The following PID1 variants were observed in gnomAD, a reference collection of about 807,000 sequenced individuals.
PID1 encodes the protein phosphotyrosine interaction domain containing 1.
Under a neutral mutation model 19.1 loss-of-function variants are expected in PID1, and 10 were observed. The ratio of observed to expected loss-of-function variants is 0.52; its 90% CI spans 0.32 to 0.89. The LOEUF (loss-of-function observed/expected upper bound fraction) is 0.89. PID1 is among the 40% of genes least tolerant of loss of function. The pLI, the probability that PID1 is intolerant of heterozygous loss-of-function variation, is 0.03. For missense variants in PID1, 248 were observed against 285.3 expected (o/e 0.87, Z 0.94); for synonymous variants, 130 against 116.0 (o/e 1.12, Z -0.78).
At chr2:229,031,846 C>T (rs901433037) in intron 2 of PID1, among the ~76,000 whole-genome samples, 2 of 152,208 alleles carry the variant, frequency 1.3e-5, no homozygotes, top group Admixed American at 6.5e-5. Context: ...TTACTTACTG[C>T]CTGTCCACAT....
intron 2 of PID1, among the ~76,000 whole-genome samples, chr2:229,066,090 A>G (rs1694320263): frequency 6.6e-6 from 1 of 152,218 alleles, no homozygotes; most frequent in African/African-American, 2.4e-5. Context: ...CCACACACAA[A>G]AAAAGGAAAA....
chr2:229,093,758 GA>G (rs57891201), intron 2 of PID1, among the ~76,000 whole-genome samples: 10,940 of 90,152 alleles, frequency 0.12, 641 homozygotes, highest in Admixed American at 0.29. Context: ...ATGGCTTTAT[GA>G]TAAAAAAAAG....
chr2:229,090,284 C>G (rs1574620284), intron 2 of PID1, among the ~76,000 whole-genome samples: 1 of 152,158 alleles, frequency 6.6e-6, no homozygotes, highest in African/African-American at 2.4e-5. Context: ...TAAAGCAAAG[C>G]AGGAATCTAC....
chr2:229,155,801 G>A lies in PID1; in HGVS notation c.177+17C>T. ...CTATCTCACCAAGAGAACCCCTGCT[G>A]GCCACGTGCCCCATACCTTGCAGCC... On this transcript the variant is annotated intron_variant, in intron 2 of 2. Transcript: ENST00000392055. 6.3e-7 allele frequency: 1 copy of A among 1,595,012 alleles called. No individual in the cohort carries two copies. The highest frequency in any genetic ancestry group is 2.3e-5 in the East Asian group (1 of 44,428).
intron 1 of PID1, among the ~76,000 whole-genome samples, chr2:229,266,238 G>A (rs1690588872): frequency 6.6e-6 from 1 of 151,204 alleles, no homozygotes; most frequent in Non-Finnish European, 1.5e-5. Context: ...CAACCGCTCT[G>A]AAAATCTCCA....
At chr2:229,253,840 T>C (rs1280223936) in intron 1 of PID1, among the ~76,000 whole-genome samples, 1 of 152,172 alleles carries the variant, frequency 6.6e-6, no homozygotes, top group African/African-American at 2.4e-5. Context: ...CTGTATATCA[T>C]TCAGTTCTAT....
intron 1 of PID1, among the ~76,000 whole-genome samples, chr2:229,249,703 T>G (rs1432932616): frequency 6.6e-6 from 1 of 152,148 alleles, no homozygotes; most frequent in Admixed American, 6.5e-5. Context: ...TCATTGCAAC[T>G]GGATACCAGG....
At chr2:229,253,591 CAA>C (rs59530496) in intron 1 of PID1, among the ~76,000 whole-genome samples, 3,230 of 128,460 alleles carry the variant, frequency 0.025, 67 homozygotes, top group Admixed American at 0.072. Context: ...AAATTCCAAG[CAA>C]AAAAAAAAAA....
At chr2:229,111,054 C>T (rs1319329227) in intron 2 of PID1, among the ~76,000 whole-genome samples, 1 of 152,108 alleles carries the variant, frequency 6.6e-6, no homozygotes, top group Admixed American at 6.5e-5. Flanking sequence ...AAGGGGTTTC[C>T]CCTTTCACTT....
chr2:229,157,218 T>C (rs560762121), intron 1 of PID1, among the ~76,000 whole-genome samples: 1 of 152,154 alleles, frequency 6.6e-6, no homozygotes, highest in East Asian at 1.9e-4. Context: ...TCACGTGAGG[T>C]CACAAGTTCG....
rs560455242 is a variant in PID1 at position 229,260,483 on chromosome 2, T to C, written c.30+10531A>G. ...AGTTGCATATATATATATATATGTA[T>C]ATATGTATATATATGTGCATGTGTG... is the stretch of plus-strand genomic sequence containing the variant. On this transcript the variant is annotated intron_variant, in intron 1 of 2. Transcript: ENST00000392055. 1.4e-3 allele frequency among the ~76,000 whole-genome samples: 208 copies of C among 150,886 alleles called. 1 individual carries two copies. The highest frequency in any genetic ancestry group is 5.4e-3 in the South Asian group (26 of 4,796).
rs756265470 is a variant in PID1, at chr2:229,155,824, G to A, written c.171C>T (p.Gly57=). The A allele has an allele frequency of 1.2e-6, 2 of 1,611,086 alleles. No individual in the cohort carries two copies. Among genetic ancestry groups the A allele is most frequent in the African/African-American group, 2.7e-5 (2 of 74,834 alleles). ...CTGGCCACGTGCCCCATACCTTGCA[G>A]CCACTGTGAGTCCTTGTCTTCATCA... ...TPLMKTRTHS[G]CKVTYLGKVS... Residue 57 remains glycine, a synonymous_variant, in exon 2 of 3, where the codon GGC becomes GGT. Transcript: ENST00000392055.
chr2:229,236,556 TAA>T (rs1346487260), intron 1 of PID1: 1 of 152,120 alleles, frequency 6.6e-6, no homozygotes, highest in East Asian at 1.9e-4. Context: ...AACAACTGAA[TAA>T]ACCCTGGTTA....
At chr2:229,189,497 C>A (rs555921902) in intron 1 of PID1, among the ~76,000 whole-genome samples, 1 of 152,198 alleles carries the variant, frequency 6.6e-6, no homozygotes, top group Non-Finnish European at 1.5e-5. Context: ...GAGTTCAAGA[C>A]CAGCCTGGCC....
chr2:229,078,405 T>G (rs1465319408), intron 2 of PID1, among the ~76,000 whole-genome samples: 1 of 152,222 alleles, frequency 6.6e-6, no homozygotes, highest in Non-Finnish European at 1.5e-5. Context: ...TCTTACCTGA[T>G]TGCCCTGGTC....
intron 2 of PID1, among the ~76,000 whole-genome samples, chr2:229,098,935 T>G (rs907295096): frequency 1.3e-5 from 2 of 152,216 alleles, no homozygotes; most frequent in Non-Finnish European, 2.9e-5. Context: ...TTGGCTTTCT[T>G]CTCTACCACG....
chr2:229,216,715 C>T (rs959346357), intron 1 of PID1, among the ~76,000 whole-genome samples: 1 of 151,916 alleles, frequency 6.6e-6, no homozygotes, highest in African/African-American at 2.4e-5. Context: ...AGAAATAAAA[C>T]CCATAAACAA....
chr2:229,215,925 TAATCAA>T (rs1017810738), intron 1 of PID1, among the ~76,000 whole-genome samples: 4 of 152,188 alleles, frequency 2.6e-5, no homozygotes, highest in African/African-American at 9.7e-5. Context: ...TTTAAAAATA[TAATCAA>T]AATCAAAATC....
intron 1 of PID1, among the ~76,000 whole-genome samples, chr2:229,198,070 T>C (rs1384013319): frequency 6.6e-6 from 1 of 152,050 alleles, no homozygotes; most frequent in Non-Finnish European, 1.5e-5. Flanking sequence ...AGGCTTAAAG[T>C]AACAGGAGGC....
Sources: gnomAD v4.1 joint callset for allele counts (sites outside exome capture counted in the v4.1 genomes callset) on GRCh38, gnomAD v4.1.1 for gene constraint, MANE v1.5 for transcripts, NCBI Gene and HGNC (gene_info 2026-07-23, HGNC 2026-07-21) for gene names.